Variants in CFAP44 observed in about 807,000 individuals in gnomAD.
The protein encoded by CFAP44 is cilia- and flagella-associated protein 44.
Under a neutral mutation model 216.2 loss-of-function variants are expected in CFAP44, and 134 were observed. That is an observed-to-expected ratio of 0.62 (90% CI 0.54 to 0.72). The LOEUF is 0.72. Among genes scored for constraint, CFAP44 ranks in the 30% least tolerant of loss-of-function variants. The pLI is 0.00. For missense variants in CFAP44, 2,035 were observed against 2,182.1 expected (o/e 0.93, Z 1.34); for synonymous variants, 700 against 727.6 (o/e 0.96, Z 0.61).
chr3:113,286,978 T>C lies in CFAP44; in HGVS notation c.*4579A>G. The C allele has an allele frequency of 1.9e-6, 2 of 1,033,572 alleles. No homozygotes were observed. The highest frequency in any genetic ancestry group is 2.9e-6 in the Non-Finnish European group (2 of 700,176). 64.0% of individuals were successfully genotyped at this position (1,033,572 alleles called of 1,614,324 possible). A position where few individuals can be genotyped will look rare whatever the true frequency, so the allele number is the denominator to read the frequency against. ...TTTCTATTATAGCCATATTTATATA[T>C]TTATGCACTTGTAAATAAATGTATA... On this transcript the variant is annotated 3_prime_UTR_variant, in exon 35 of 35. Coordinates refer to ENST00000393845, the MANE Select transcript of CFAP44 (RefSeq NM_001164496.2).
chr3:113,291,510 A>G lies in CFAP44; in HGVS notation c.*47T>C. 2 of 1,514,576 alleles carry G rather than the reference A, an allele frequency of 1.3e-6. No homozygotes were observed. The highest frequency in any genetic ancestry group is 1.8e-6 in the Non-Finnish European group (2 of 1,130,494). 93.8% of individuals were successfully genotyped at this position (1,514,576 alleles called of 1,614,324 possible). ...GAGGTGATGAGGAGACAGAACTTCC[A>G]GTGAGTTATGTCAGAAATCTTGTAT... On this transcript the variant is annotated 3_prime_UTR_variant, in exon 35 of 35. Transcript: ENST00000393845.
At chr3:113,429,710 A>T (rs1322389495) in intron 2 of CFAP44, among the ~76,000 whole-genome samples, 5 of 151,564 alleles carry the variant, frequency 3.3e-5, no homozygotes, top group African/African-American at 9.7e-5. Context: ...TTCTCCTCCT[A>T]CCTGTCCTTT....
intron 5 of CFAP44, 68 bp from the exon 6 acceptor site, chr3:113,416,695 A>T: frequency 8.9e-7 from 1 of 1,129,846 alleles, no homozygotes; most frequent in Non-Finnish European, 1.3e-6. Flanking sequence ...TGATTAATGC[A>T]GTATTTAGCA....
At position 113,291,641 on chromosome 3, in the gene CFAP44, A is replaced by G. The variant is rs1203097740; in HGVS notation, c.5481T>C (p.Ile1827=). ...AERISALKEE[I]ALLRRKGSLI... ...GACTGCCTTTCCTACGCAAAAGAGC[A>G]ATCTCCTCCTTTAAGGCCGAAATCC... Residue 1827 remains isoleucine (I), a synonymous_variant, in exon 35 of 35, where the codon ATT becomes ATC. Transcript: ENST00000393845. 9 of 1,537,328 alleles carry G rather than the reference A, an allele frequency of 5.9e-6. No homozygotes were observed. The highest frequency in any genetic ancestry group is 7.8e-6 in the Non-Finnish European group (9 of 1,146,930).
chr3:113,383,133 C>A (rs555651269), intron 15 of CFAP44, among the ~76,000 whole-genome samples: 24 of 152,162 alleles, frequency 1.6e-4, no homozygotes, highest in Non-Finnish European at 3.5e-4. Flanking sequence ...GAAGAAAAGA[C>A]AGAGGGATAA....
chr3:113,309,793 T>C (rs1950021430), intron 28 of CFAP44, among the ~76,000 whole-genome samples: 2 of 151,906 alleles, frequency 1.3e-5, no homozygotes, highest in Admixed American at 1.3e-4. Flanking sequence ...CTGTGGCGAG[T>C]TCCTTGGATA....
intron 19 of CFAP44, among the ~76,000 whole-genome samples, chr3:113,365,373 TA>T (rs777952433): frequency 1.3e-5 from 2 of 152,200 alleles, no homozygotes; most frequent in Non-Finnish European, 2.9e-5. Flanking sequence ...ATTTTAGCTA[TA>T]ATCTTTCTAA....
intron 26 of CFAP44, among the ~76,000 whole-genome samples, chr3:113,328,076 A>T (rs1006529706): frequency 6.6e-5 from 10 of 152,146 alleles, no homozygotes; most frequent in African/African-American, 2.2e-4. Flanking sequence ...CCATCAATCA[A>T]GAATGCCCTT....
At chr3:113,343,951 T>C (rs1950358065) in intron 23 of CFAP44, among the ~76,000 whole-genome samples, 1 of 152,338 alleles carries the variant, frequency 6.6e-6, no homozygotes, top group South Asian at 2.1e-4. Context: ...ATTTCCAGAA[T>C]TCTTGTTCTT....
chr3:113,306,129 A>T (rs1170021960), intron 30 of CFAP44, 72 bp downstream of exon 30: 3 of 1,459,400 alleles, frequency 2.1e-6, no homozygotes, highest in Non-Finnish European at 2.7e-6. Flanking sequence ...TCATTGCTAT[A>T]AAAAGGCAAT....
intron 15 of CFAP44, among the ~76,000 whole-genome samples, chr3:113,383,033 T>C (rs1933554859): frequency 6.6e-6 from 1 of 152,254 alleles, no homozygotes; most frequent in South Asian, 2.1e-4. Flanking sequence ...CATTGACATA[T>C]AACTATCTCC....
chr3:113,383,768 T>C (rs960146092), intron 15 of CFAP44, among the ~76,000 whole-genome samples: 3 of 152,212 alleles, frequency 2.0e-5, no homozygotes, highest in Admixed American at 1.3e-4. Context: ...TAAAAAATTA[T>C]ACTTTAAGTT....
intron 21 of CFAP44, among the ~76,000 whole-genome samples, chr3:113,361,775 G>A (rs1304164632): frequency 7.2e-5 from 11 of 151,854 alleles, no homozygotes; most frequent in Non-Finnish European, 1.6e-4. Flanking sequence ...TGGGATTACA[G>A]GCATGAGCCA....
At chr3:113,302,731 A>G (rs1949949039) in intron 32 of CFAP44, among the ~76,000 whole-genome samples, 1 of 141,924 alleles carries the variant, frequency 7.0e-6, no homozygotes, top group Admixed American at 7.3e-5. Context: ...ACCACGATAG[A>G]GGTGAGACTC....
chr3:113,406,364 C>T (rs6438145), intron 8 of CFAP44, among the ~76,000 whole-genome samples: 74,492 of 151,990 alleles, frequency 0.49, 18,922 homozygotes, highest in East Asian at 0.68. Context: ...TGTGACATAA[C>T]TGAAAGTAAC....
intron 15 of CFAP44, among the ~76,000 whole-genome samples, chr3:113,381,491 T>C (rs999731379): frequency 6.6e-6 from 1 of 152,232 alleles, no homozygotes; most frequent in Non-Finnish European, 1.5e-5. Flanking sequence ...TCATCCTCTA[T>C]CTGTCTCAGT....
chr3:113,365,025 T>C (rs1166113073), intron 19 of CFAP44, among the ~76,000 whole-genome samples: 1 of 152,164 alleles, frequency 6.6e-6, no homozygotes, highest in Non-Finnish European at 1.5e-5. Context: ...GTGGAATAAA[T>C]ATTTTTCTAT....
chr3:113,356,707 C>T (rs1028476220), intron 22 of CFAP44, among the ~76,000 whole-genome samples: 3 of 152,064 alleles, frequency 2.0e-5, no homozygotes, highest in Non-Finnish European at 2.9e-5. Context: ...AACAATAGAG[C>T]TTCTAGAAGA....
chr3:113,399,730 C>G (rs1934090157), intron 13 of CFAP44, among the ~76,000 whole-genome samples, 176 bp downstream of exon 13: 2 of 152,064 alleles, frequency 1.3e-5, no homozygotes, highest in Non-Finnish European at 2.9e-5. Flanking sequence ...AAGACCAAAC[C>G]CATAACAACA....
Sources: allele counts gnomAD v4.1 joint callset (sites outside exome capture counted in the v4.1 genomes callset), GRCh38; gene constraint gnomAD v4.1.1; transcripts MANE v1.5; gene names NCBI Gene and HGNC (gene_info 2026-07-23, HGNC 2026-07-21).